Variants in MYO5A observed in about 807,000 individuals in gnomAD.
MYO5A encodes the protein myosin VA.
MYO5A carries 98 observed loss-of-function variants against 249.7 expected under a neutral mutation model. The observed-to-expected ratio is 0.39, with a 90% CI of 0.33 to 0.46. The LOEUF is 0.46. Among genes scored for constraint, MYO5A ranks in the 20% least tolerant of loss-of-function variants. MYO5A has a pLI of 0.98. For missense variants in MYO5A, 1,696 were observed against 2,308.8 expected, an observed-to-expected ratio of 0.73 and a Z score of 5.44; for synonymous variants, 778 against 810.6, an observed-to-expected ratio of 0.96 and a Z score of 0.68.
intron 1 of MYO5A, among the ~76,000 whole-genome samples, chr15:52,446,955 G>A (rs1299638130): frequency 6.6e-6 from 1 of 152,130 alleles, no homozygotes; most frequent in African/African-American, 2.4e-5. Context: ...GCTCAGAGGT[G>A]GAAGGAGAAA....
chr15:52,315,110 T>C (rs1395072341), intron 40 of MYO5A, among the ~76,000 whole-genome samples: 3 of 152,238 alleles, frequency 2.0e-5, no homozygotes, highest in Admixed American at 1.3e-4. Context: ...CTTTGTTAAC[T>C]AATATTTGCT....
chr15:52,386,382 A>T (rs1013919426), intron 14 of MYO5A, among the ~76,000 whole-genome samples: 6 of 152,146 alleles, frequency 3.9e-5, no homozygotes, highest in African/African-American at 1.4e-4. Flanking sequence ...TTTCAGCTAA[A>T]TTACTTTGAC....
At chr15:52,424,640 C>T (rs1160325695) in intron 4 of MYO5A, among the ~76,000 whole-genome samples, 1 of 152,152 alleles carries the variant, frequency 6.6e-6, no homozygotes, top group Non-Finnish European at 1.5e-5. Context: ...TATACTCTCC[C>T]TGGCTGGAGA....
Position 52,353,865 on chromosome 15 carries a change from G to A in MYO5A, c.3567+6C>T, listed in dbSNP as rs1319452058. The A allele has an allele frequency of 1.9e-6, 3 of 1,613,530 alleles. No homozygotes were observed. Among genetic ancestry groups the A allele is most frequent in the Admixed American group, 3.3e-5 (2 of 60,032 alleles). ...TTCAGCTCTGCGGATGGGCTGTGCTGCGCACCTTGGCCTTGCTGCGGAGCA... is the reference window on the plus strand; with the variant it reads ...TTCAGCTCTGCGGATGGGCTGTGCTACGCACCTTGGCCTTGCTGCGGAGCA... On this transcript the variant is annotated splice_donor_region_variant and intron_variant, in intron 26 of 41. Coordinates refer to ENST00000399233, the MANE Select transcript of MYO5A (RefSeq NM_001382347.1).
chr15:52,453,724 T>G (rs896743091), intron 1 of MYO5A, among the ~76,000 whole-genome samples: 1 of 151,856 alleles, frequency 6.6e-6, no homozygotes, highest in African/African-American at 2.4e-5. Flanking sequence ...ATTATAGAGG[T>G]TTTTTTTAAA....
intron 1 of MYO5A, among the ~76,000 whole-genome samples, chr15:52,452,478 C>A (rs1468405644): frequency 2.0e-5 from 3 of 152,074 alleles, no homozygotes; most frequent in Non-Finnish European, 4.4e-5. Flanking sequence ...CTGAGGACAG[C>A]CAGAAACAAA....
chr15:52,488,647 G>A (rs2076872630), intron 1 of MYO5A, among the ~76,000 whole-genome samples: 1 of 152,246 alleles, frequency 6.6e-6, no homozygotes, highest in East Asian at 1.9e-4. Flanking sequence ...TAATAAAATG[G>A]TTGTGATTTG....
intron 36 of MYO5A, chr15:52,324,002 C>CAAAAAAAAAAAAAAAAA (rs56227811): frequency 2.0e-4 from 8 of 40,246 alleles, no homozygotes; most frequent in South Asian, 1.2e-3. Context: ...GACTCTGTCT[C>CAAAAAAAAAAAAAAAAA]AAAAAAAAAA....
chr15:52,318,132 C>T (rs2038114396), intron 39 of MYO5A, among the ~76,000 whole-genome samples: 1 of 151,996 alleles, frequency 6.6e-6, no homozygotes, highest in South Asian at 2.1e-4. Flanking sequence ...TTTTTCCCTC[C>T]TCTTGGTGAA....
In MYO5A at chr15:52,379,819, C is replaced by T; in HGVS notation, c.2099+3G>A. 1 of 1,614,150 alleles carries T rather than the reference C, an allele frequency of 6.2e-7. No individual in the cohort carries two copies. The highest frequency in any genetic ancestry group is 8.5e-7 in the Non-Finnish European group (1 of 1,180,010). On this transcript the variant is annotated splice_donor_region_variant and intron_variant, in intron 17 of 41. Coordinates refer to ENST00000399233, the MANE Select transcript of MYO5A (RefSeq NM_001382347.1). ...CCTTACATCTGAAAAATGCCAGGCT[C>T]ACCGTGAGGGGAAACCGGCCGCACT...
At position 52,372,208 on chromosome 15, in the gene MYO5A, C is replaced by A; in HGVS notation, c.2733G>T (p.Glu911Asp). The change falls in exon 21 of 42, where the codon GAG becomes GAT. Residue 911 changes from glutamate to aspartate, a missense_variant. By Grantham distance (45) the Glu-to-Asp change is conservative. Around this residue, in one of 5 missense-constraint regions of MYO5A, gnomAD observed 412 missense variants for 453.3 expected, o/e 0.91. Coordinates refer to ENST00000399233, the MANE Select transcript of MYO5A (RefSeq NM_001382347.1). The stretch of plus-strand genomic sequence containing the variant: ...TCTTATAGCGCTCCACTGAGCGAGC[C>A]TCGATTTTGAGCTTCTTTAGCTCAC... ...AKRELKKLKI[E>D]ARSVERYKKL... 6.2e-7 allele frequency: 1 copy of A among 1,613,600 alleles called. No individual in the cohort carries two copies. Among genetic ancestry groups the A allele is most frequent in the Non-Finnish European group, 8.5e-7 (1 of 1,180,016 alleles).
At chr15:52,494,301 G>C (rs2076994285) in intron 1 of MYO5A, among the ~76,000 whole-genome samples, 1 of 152,104 alleles carries the variant, frequency 6.6e-6, no homozygotes, top group Non-Finnish European at 1.5e-5. Flanking sequence ...TGAAATTTCT[G>C]GCTGGGGACC....
At chr15:52,469,378 T>G (rs1374521877) in intron 1 of MYO5A, among the ~76,000 whole-genome samples, 1 of 152,130 alleles carries the variant, frequency 6.6e-6, no homozygotes, top group East Asian at 1.9e-4. Context: ...GAAAAGAAAC[T>G]TATTAAGAAA....
chr15:52,410,214 G>T, intron 6 of MYO5A, 119 bp downstream of exon 6: 1 of 1,204,344 alleles, frequency 8.3e-7, no homozygotes, highest in South Asian at 1.2e-5. Context: ...TGTGGTTGGA[G>T]GTAATATTGT....
chr15:52,519,953 G>T (rs1807905103), intron 1 of MYO5A, among the ~76,000 whole-genome samples: 1 of 152,064 alleles, frequency 6.6e-6, no homozygotes, highest in South Asian at 2.1e-4. Context: ...CTGGTCTCAA[G>T]CTCCTGACCT....
chr15:52,389,601 A>T (rs970478800), intron 12 of MYO5A, among the ~76,000 whole-genome samples: 2 of 152,202 alleles, frequency 1.3e-5, no homozygotes, highest in African/African-American at 4.8e-5. Flanking sequence ...TGGGCAGTTC[A>T]ATCTGCCTAT....
intron 1 of MYO5A, among the ~76,000 whole-genome samples, chr15:52,464,558 G>A (rs2079475578): frequency 6.6e-6 from 1 of 152,240 alleles, no homozygotes; most frequent in African/African-American, 2.4e-5. Context: ...GAAAGCCTGT[G>A]AGGGCAGGGA....
chr15:52,376,435 G>C lies in MYO5A; in HGVS notation c.2332C>G (p.Arg778Gly), dbSNP rs764371254. The C allele has an allele frequency of 6.2e-7, 1 of 1,614,096 alleles. No homozygotes were observed. The highest frequency in any genetic ancestry group is 8.5e-7 in the Non-Finnish European group (1 of 1,180,006). ...AACIRIQKTI[R>G]GWLLRKKYLR... ...TACTTCTTTCTCAGCAGCCACCCTC[G>C]GATGGTCTTCTGGATCCGGATGCAG... The change falls in exon 19 of 42, where the codon CGA (arginine) becomes GGA (glycine). Residue 778 changes from arginine to glycine, a missense_variant. Arg to Gly is a moderately radical substitution (Grantham distance 125). Coordinates refer to ENST00000399233, the MANE Select transcript of MYO5A (RefSeq NM_001382347.1).
intron 1 of MYO5A, among the ~76,000 whole-genome samples, chr15:52,488,110 G>A (rs186798115): frequency 6.6e-6 from 1 of 150,744 alleles, no homozygotes; most frequent in East Asian, 1.9e-4. Flanking sequence ...ATTATCTAGG[G>A]TGAAAAAAAA....
Sources: allele counts gnomAD v4.1 joint callset (sites outside exome capture counted in the v4.1 genomes callset), GRCh38; gene constraint gnomAD v4.1.1; regional missense constraint gnomAD v4.1.1; transcripts MANE v1.5; gene names NCBI Gene and HGNC (gene_info 2026-07-23, HGNC 2026-07-21).